Variants in TEKT5 observed in about 807,000 individuals in gnomAD.
The protein encoded by TEKT5 is tektin 5.
Under a neutral mutation model 48.7 loss-of-function variants are expected in TEKT5, and 52 were observed. That is an observed-to-expected ratio of 1.07 (90% CI 0.86 to 1.35). The LOEUF (loss-of-function observed/expected upper bound fraction) is 1.35. Among genes scored for constraint, TEKT5 ranks in the 40% most tolerant of loss-of-function variants. TEKT5 has a pLI of 0.00. For missense variants in TEKT5, 831 were observed against 641.6 expected, an observed-to-expected ratio of 1.30 and a Z score of -3.19; for synonymous variants, 318 against 267.6, an observed-to-expected ratio of 1.19 and a Z score of -1.84.
intron 4 of TEKT5, among the ~76,000 whole-genome samples, chr16:10,680,885 G>T (rs1898734461): frequency 6.8e-6 from 1 of 148,018 alleles, no homozygotes; most frequent in South Asian, 2.2e-4. Flanking sequence ...GGGAGGGATA[G>T]CATTAGGAGA....
intron 5 of TEKT5, among the ~76,000 whole-genome samples, chr16:10,647,393 G>T (rs912909776): frequency 1.3e-5 from 2 of 151,358 alleles, no homozygotes. Context: ...GATCGCTTAA[G>T]CCTGGGATGT....
chr16:10,657,143 G>C (rs1319996449), intron 5 of TEKT5, among the ~76,000 whole-genome samples: 1 of 126,686 alleles, frequency 7.9e-6, no homozygotes, highest in African/African-American at 3.0e-5. Flanking sequence ...TCTTTTTTTT[G>C]AGACAGAGTT....
At position 10,693,762 on chromosome 16, in the gene TEKT5, C is replaced by A. The variant is rs546692979; in HGVS notation, c.564+548G>T. Among the ~76,000 whole-genome samples the A allele has an allele frequency of 6.6e-5, 10 of 152,216 alleles. No homozygotes were observed. In the East Asian group the frequency reaches 1.9e-3, roughly 29 times the overall value. On this transcript the variant is annotated intron_variant, in intron 1 of 6. Coordinates refer to ENST00000283025, the MANE Select transcript of TEKT5 (RefSeq NM_144674.2). Reference sequence around the variant, plus strand: ...CTCTAGGAGGTCAAGGCGGGAAGATCAGATCGAGACCAGCCTGGCCAACAT... The same window carrying A: ...CTCTAGGAGGTCAAGGCGGGAAGATAAGATCGAGACCAGCCTGGCCAACAT...
intron 1 of TEKT5, 140 bp from the exon 2 acceptor site, chr16:10,690,165 C>CA: frequency 1.3e-6 from 1 of 770,524 alleles, no homozygotes; most frequent in Non-Finnish European, 2.1e-6. Flanking sequence ...CACTACTGGG[C>CA]ATTGGATGGG....
chr16:10,647,209 A>G (rs936276652), intron 5 of TEKT5, among the ~76,000 whole-genome samples: 4 of 151,894 alleles, frequency 2.6e-5, no homozygotes, highest in Non-Finnish European at 5.9e-5. Context: ...GTGGCTGACA[A>G]CTGTGGTCCC....
chr16:10,629,286 T>C (rs554857141), intron 6 of TEKT5, among the ~76,000 whole-genome samples: 39 of 151,816 alleles, frequency 2.6e-4, no homozygotes, highest in African/African-American at 9.4e-4. Flanking sequence ...AGTCTCGCCC[T>C]GTCATCCAGG....
chr16:10,661,401 C>T (rs1736380184), intron 5 of TEKT5, among the ~76,000 whole-genome samples: 1 of 152,196 alleles, frequency 6.6e-6, no homozygotes, highest in African/African-American at 2.4e-5. Flanking sequence ...GAAACCCAGG[C>T]CCCACCCCAG....
At chr16:10,647,159 G>C (rs147828874) in intron 5 of TEKT5, among the ~76,000 whole-genome samples, 2 of 152,176 alleles carry the variant, frequency 1.3e-5, no homozygotes, top group Non-Finnish European at 2.9e-5. Context: ...ATTACTGAGG[G>C]TTCAGCGGGT....
intron 4 of TEKT5, among the ~76,000 whole-genome samples, chr16:10,676,558 C>G (rs1288568308): frequency 2.6e-5 from 4 of 152,094 alleles, no homozygotes; most frequent in Admixed American, 2.6e-4. Flanking sequence ...GAGAGGGGCT[C>G]CCGCAGAGAG....
At chr16:10,690,198 G>A in intron 1 of TEKT5, 173 bp from the exon 2 acceptor site, 1 of 631,998 alleles carries the variant, frequency 1.6e-6, no homozygotes, top group South Asian at 2.0e-5. Flanking sequence ...CTTCTCCCCG[G>A]ATGAGAGCTG....
chr16:10,677,631 AAAT>A lies in TEKT5; in HGVS notation c.864-1453_864-1451del, dbSNP rs1284302509. Among the ~76,000 whole-genome samples the A allele has an allele frequency of 9.6e-5, 12 of 125,320 alleles. 3 individuals carry two copies. The highest frequency in any genetic ancestry group is 3.7e-4 in the African/African-American group (9 of 24,602). The allele number at this position is 125,320 out of a possible 152,430, so 82.2% of individuals were successfully genotyped here. On this transcript the variant is annotated intron_variant, in intron 4 of 6. Coordinates refer to ENST00000283025, the MANE Select transcript of TEKT5 (RefSeq NM_144674.2). ...CCCCCCCAACAAAAAAATAAAAAGAAAATGCATGAAGCTGTCACTATCCCAGCT... is the reference window on the plus strand; with the variant it reads ...CCCCCCCAACAAAAAAATAAAAAGAAGCATGAAGCTGTCACTATCCCAGCT...
In TEKT5 at chr16:10,694,603, G is replaced by A; in HGVS notation, c.271C>T (p.Pro91Ser). The change falls in exon 1 of 7, where the codon CCC becomes TCC. Residue 91 changes from proline (P) to serine (S), a missense_variant. Pro to Ser is a moderately conservative substitution (Grantham distance 74, BLOSUM62 -1). Transcript: ENST00000283025. ...LRSALFSRYS[P>S]HDWDQSNQLQ... is the part of the protein sequence containing the mutation. ...TGGTTGGACTGGTCCCAGTCGTGGGGGCTATAGCGAGAGAAGAGTGCGGAG... is the reference window on the plus strand; with the variant it reads ...TGGTTGGACTGGTCCCAGTCGTGGGAGCTATAGCGAGAGAAGAGTGCGGAG... 1 of 1,610,240 alleles carries A rather than the reference G, an allele frequency of 6.2e-7. No individual in the cohort carries two copies.
intron 5 of TEKT5, among the ~76,000 whole-genome samples, chr16:10,644,191 A>G (rs770370645): frequency 2.6e-5 from 4 of 152,214 alleles, no homozygotes; most frequent in African/African-American, 7.2e-5. Context: ...TTCAGTTTAC[A>G]AAGTCCTTTC....
chr16:10,690,096 A>T, intron 1 of TEKT5, 71 bp from the exon 2 acceptor site: 2 of 1,508,796 alleles, frequency 1.3e-6, no homozygotes, highest in East Asian at 2.3e-5. Context: ...AGGGACTCAC[A>T]TCCACCCTTG....
chr16:10,634,914 C>A (rs1001100134), intron 6 of TEKT5, among the ~76,000 whole-genome samples: 1 of 152,144 alleles, frequency 6.6e-6, no homozygotes, highest in Non-Finnish European at 1.5e-5. Context: ...TGCGGAAGAC[C>A]CTGACATGTA....
intron 3 of TEKT5, among the ~76,000 whole-genome samples, chr16:10,687,474 A>C (rs1898883149): frequency 6.6e-6 from 1 of 152,256 alleles, no homozygotes; most frequent in South Asian, 2.1e-4. Flanking sequence ...GGCCAGGCGC[A>C]GTGACTCATG....
intron 5 of TEKT5, among the ~76,000 whole-genome samples, chr16:10,640,080 CTCCT>C (rs890608649): frequency 6.8e-6 from 1 of 146,990 alleles, no homozygotes; most frequent in Admixed American, 6.7e-5. Context: ...TCTCCTTCTT[CTCCT>C]TCCTTCCTTC....
intron 3 of TEKT5, 114 bp from the exon 4 acceptor site, chr16:10,682,250 C>G (rs1248931134): frequency 8.3e-7 from 1 of 1,204,398 alleles, no homozygotes; most frequent in Non-Finnish European, 1.2e-6. Context: ...CACCCAGTAG[C>G]TTCTCAGTCC....
intron 5 of TEKT5, among the ~76,000 whole-genome samples, chr16:10,639,886 G>A (rs1897966120): frequency 6.6e-6 from 1 of 152,142 alleles, no homozygotes; most frequent in Non-Finnish European, 1.5e-5. Context: ...GCATCCTAGT[G>A]CCTGCTCCCA....
Sources: allele counts gnomAD v4.1 joint callset (sites outside exome capture counted in the v4.1 genomes callset), GRCh38; gene constraint gnomAD v4.1.1; transcripts MANE v1.5; gene names NCBI Gene and HGNC (gene_info 2026-07-23, HGNC 2026-07-21).